The following SPTLC3 variants were observed in gnomAD, a reference collection of about 807,000 sequenced individuals.
SPTLC3 encodes the protein serine palmitoyltransferase long chain base subunit 3.
SPTLC3 carries 36 observed loss-of-function variants against 59.3 expected under a neutral mutation model. That is an observed-to-expected ratio of 0.61 (90% CI 0.47 to 0.80). SPTLC3 has a LOEUF of 0.80. Ranked by LOEUF, SPTLC3 falls within the 30% of genes least tolerant of loss-of-function variation. SPTLC3 has a pLI of 0.00. For synonymous variants in SPTLC3, 257 were observed against 240.8 expected (o/e 1.07, Z -0.62); for missense variants, 625 against 685.1 (o/e 0.91, Z 0.98).
chr20:13,056,098 G>A (rs74178019), intron 2 of SPTLC3, among the ~76,000 whole-genome samples: 18,792 of 152,154 alleles, frequency 0.12, 1,244 homozygotes, highest in Middle Eastern at 0.21. Context: ...TGAACGATGG[G>A]CTATGGACAT....
chr20:13,038,060 A>ATATATATATAT, intron 1 of SPTLC3, among the ~76,000 whole-genome samples: 15 of 148,682 alleles, frequency 1.0e-4, no homozygotes, highest in Non-Finnish European at 1.5e-4. Context: ...ATATATATAT[A>ATATATATATAT]ATATATCTTC....
At chr20:13,081,741 C>T (rs902325362) in intron 4 of SPTLC3, among the ~76,000 whole-genome samples, 1 of 152,120 alleles carries the variant, frequency 6.6e-6, no homozygotes, top group Non-Finnish European at 1.5e-5. Flanking sequence ...TTAATAGACA[C>T]CACAAAACCT....
At chr20:13,077,890 T>C (rs1988702008) in intron 4 of SPTLC3, among the ~76,000 whole-genome samples, 1 of 151,462 alleles carries the variant, frequency 6.6e-6, no homozygotes, top group Non-Finnish European at 1.5e-5. Flanking sequence ...CTAGTGATCC[T>C]CCTGCCTCAG....
At chr20:13,042,315 C>T (rs1600225548) in intron 1 of SPTLC3, among the ~76,000 whole-genome samples, 1 of 152,188 alleles carries the variant, frequency 6.6e-6, no homozygotes, top group African/African-American at 2.4e-5. Context: ...GGGGAATGCT[C>T]TGGAGCTCTC....
intron 8 of SPTLC3, among the ~76,000 whole-genome samples, chr20:13,120,155 T>G (rs1410533947): frequency 6.6e-6 from 1 of 152,228 alleles, no homozygotes; most frequent in Non-Finnish European, 1.5e-5. Flanking sequence ...TTGAAAAAAC[T>G]ACTTCTACTA....
chr20:13,027,050 C>T (rs1328764559), intron 1 of SPTLC3, among the ~76,000 whole-genome samples: 2 of 152,138 alleles, frequency 1.3e-5, no homozygotes, highest in African/African-American at 4.8e-5. Flanking sequence ...GCTCCAGCTG[C>T]CCACACTGGT....
chr20:13,165,852 A>C lies in SPTLC3; in HGVS notation c.*985A>C, dbSNP rs905553462. On this transcript the variant is annotated 3_prime_UTR_variant, in exon 12 of 12. Transcript: ENST00000399002. ...AAATTCTGACTTTTTCAAGACCAAC[A>C]CACTTGTTTAGGCCTATTAAATTGT... 6 of 152,222 alleles carry C rather than the reference A, an allele frequency of 3.9e-5. No homozygotes were observed. The highest frequency in any genetic ancestry group is 7.3e-5 in the Non-Finnish European group (5 of 68,028). 9.4% of individuals were successfully genotyped at this position (152,222 alleles called of 1,614,324 possible).
chr20:13,149,721 A>G (rs2038600255), intron 9 of SPTLC3, among the ~76,000 whole-genome samples: 1 of 152,242 alleles, frequency 6.6e-6, no homozygotes, highest in African/African-American at 2.4e-5. Flanking sequence ...CCTGGATATC[A>G]TCTGTTTGGT....
At chr20:13,087,181 A>T (rs1989032305) in intron 4 of SPTLC3, among the ~76,000 whole-genome samples, 1 of 152,214 alleles carries the variant, frequency 6.6e-6, no homozygotes, top group Admixed American at 6.5e-5. Context: ...CCCACTTCTC[A>T]TGAGTCGGCT....
chr20:13,040,400 C>T (rs1986926947), intron 1 of SPTLC3, among the ~76,000 whole-genome samples: 2 of 151,644 alleles, frequency 1.3e-5, no homozygotes, highest in Admixed American at 1.3e-4. Flanking sequence ...TGCTGTGTCT[C>T]CAGGCTGGAG....
intron 11 of SPTLC3, among the ~76,000 whole-genome samples, chr20:13,162,641 T>A (rs966431921): frequency 6.6e-6 from 1 of 152,230 alleles, no homozygotes; most frequent in South Asian, 2.1e-4. Flanking sequence ...CAATACTTAA[T>A]GTCTCCCTCT....
chr20:13,121,045 C>T (rs2037854516), intron 8 of SPTLC3, among the ~76,000 whole-genome samples: 1 of 152,188 alleles, frequency 6.6e-6, no homozygotes, highest in Admixed American at 6.5e-5. Context: ...GCTGATGGGA[C>T]TAGGTTTCTT....
intron 9 of SPTLC3, among the ~76,000 whole-genome samples, chr20:13,151,262 C>T (rs2038640060): frequency 1.3e-5 from 2 of 152,182 alleles, no homozygotes; most frequent in Admixed American, 1.3e-4. Flanking sequence ...AAATTTTTCA[C>T]ATCCACACTC....
At chr20:13,056,683 C>T (rs6033602) in intron 2 of SPTLC3, among the ~76,000 whole-genome samples, 131,719 of 151,048 alleles carry the variant, frequency 0.87, 57,504 homozygotes, top group East Asian at 0.92. Context: ...CTGCTGACCT[C>T]AAGTGATCCA....
chr20:13,090,310 C>T (rs1017952710), intron 4 of SPTLC3, among the ~76,000 whole-genome samples: 3 of 152,150 alleles, frequency 2.0e-5, no homozygotes, highest in Non-Finnish European at 2.9e-5. Context: ...AAAATACCTG[C>T]ATTATTGGGC....
intron 1 of SPTLC3, among the ~76,000 whole-genome samples, chr20:13,038,743 T>C (rs1986846631): frequency 6.6e-6 from 1 of 152,148 alleles, no homozygotes; most frequent in African/African-American, 2.4e-5. Flanking sequence ...TGATAAGTTA[T>C]TGATTTAGAT....
chr20:13,010,691 G>A (rs6078876), intron 1 of SPTLC3, among the ~76,000 whole-genome samples: 2 of 152,118 alleles, frequency 1.3e-5, no homozygotes, highest in African/African-American at 4.8e-5. Flanking sequence ...TATCAATTCA[G>A]GCCACTACTC....
intron 4 of SPTLC3, among the ~76,000 whole-genome samples, chr20:13,080,521 A>AAAAAAAAAAAAAG (rs1988805615): frequency 6.6e-6 from 1 of 151,722 alleles, no homozygotes; most frequent in Non-Finnish European, 1.5e-5. Context: ...CAAAAAAAAA[A>AAAAAAAAAAAAAG]CAGGCAAAAC....
intron 2 of SPTLC3, among the ~76,000 whole-genome samples, chr20:13,066,758 T>C (rs1037758283): frequency 1.3e-5 from 2 of 152,004 alleles, no homozygotes; most frequent in Non-Finnish European, 2.9e-5. Flanking sequence ...TCTTACACTT[T>C]GCCTTCTTTC....
Sources: gnomAD v4.1 joint callset for allele counts (sites outside exome capture counted in the v4.1 genomes callset) on GRCh38, gnomAD v4.1.1 for gene constraint, MANE v1.5 for transcripts, NCBI Gene and HGNC (gene_info 2026-07-23, HGNC 2026-07-21) for gene names.